LHX8: variants seen among roughly 807,000 people sequenced by gnomAD.
LHX8 encodes the protein LIM/homeobox protein Lhx8.
A neutral mutation model predicts 40.3 loss-of-function variants in LHX8; 12 were observed. The observed-to-expected ratio is 0.30, with a 90% CI of 0.19 to 0.48. LHX8 has a LOEUF of 0.48. Ranked by LOEUF, LHX8 falls within the 20% of genes least tolerant of loss-of-function variation. The probability of loss-of-function intolerance (pLI) is 0.99; values close to 1 mark genes in which losing one functional copy is unlikely to be tolerated. For synonymous variants in LHX8, 179 were observed against 162.0 expected (o/e 1.10, Z -0.80); for missense variants, 344 against 433.7 (o/e 0.79, Z 1.84).
At chr1:75,191,755 AT>A in the LHX8 span, among the ~76,000 whole-genome samples, 1 of 152,244 alleles carries the variant, frequency 6.6e-6, no homozygotes, top group Non-Finnish European at 1.5e-5. Flanking sequence ...ACTAAAGAAT[AT>A]TAAAAAGGAT....
the LHX8 span, among the ~76,000 whole-genome samples, chr1:75,179,785 C>G: frequency 6.6e-6 from 1 of 152,090 alleles, no homozygotes; most frequent in Non-Finnish European, 1.5e-5. Context: ...TTCCTAGCAG[C>G]GATGGTCTTT....
chr1:75,140,093 C>G (rs1648271424), intron 3 of LHX8, among the ~76,000 whole-genome samples: 1 of 152,190 alleles, frequency 6.6e-6, no homozygotes, highest in South Asian at 2.1e-4. Flanking sequence ...TAATACACAT[C>G]TTCATACTCC....
intron 7 of LHX8, among the ~76,000 whole-genome samples, chr1:75,155,258 G>C: frequency 8.8e-6 from 1 of 113,814 alleles, no homozygotes; most frequent in African/African-American, 3.4e-5. Flanking sequence ...TTTTTGAGAC[G>C]GAGTCTCGCT....
chr1:75,158,060 A>G (rs1480391511), intron 8 of LHX8, among the ~76,000 whole-genome samples: 1 of 152,138 alleles, frequency 6.6e-6, no homozygotes, highest in Non-Finnish European at 1.5e-5. Context: ...ATCCTCACCA[A>G]CACTTGGTAT....
chr1:75,174,694 C>T, the LHX8 span, among the ~76,000 whole-genome samples: 2 of 152,172 alleles, frequency 1.3e-5, no homozygotes, highest in Admixed American at 6.5e-5. Context: ...AAACACTCCC[C>T]CAGCCACCCC....
At chr1:75,190,114 A>G in the LHX8 span, among the ~76,000 whole-genome samples, 1 of 152,206 alleles carries the variant, frequency 6.6e-6, no homozygotes, top group African/African-American at 2.4e-5. Flanking sequence ...AGATGAGATA[A>G]TGGCTAACTC....
At chr1:75,131,664 C>G (rs1283473990), upstream of LHX8, 1 of 152,282 alleles carries the variant, frequency 6.6e-6, no homozygotes, top group Non-Finnish European at 1.5e-5. Flanking sequence ...GATGTTCCCT[C>G]TCTCCAGCCC....
chr1:75,169,891 G>C, the LHX8 span, among the ~76,000 whole-genome samples: 1 of 152,212 alleles, frequency 6.6e-6, no homozygotes, highest in African/African-American at 2.4e-5. Context: ...GGGAACTCCT[G>C]GTCTTTGCCA....
exon 1 of LHX8, chr1:75,128,508 T>C (rs1443207097): frequency 1.3e-5 from 2 of 152,176 alleles, no homozygotes; most frequent in Non-Finnish European, 2.9e-5. Flanking sequence ...TTACTGAAAG[T>C]GTCCATTTCT....
chr1:75,196,776 T>C, the LHX8 span, among the ~76,000 whole-genome samples: 1 of 152,216 alleles, frequency 6.6e-6, no homozygotes, highest in East Asian at 1.9e-4. Flanking sequence ...TGCTCTGCTG[T>C]ATGCTGCTCA....
At chr1:75,168,981 A>G in the LHX8 span, among the ~76,000 whole-genome samples, 1 of 152,082 alleles carries the variant, frequency 6.6e-6, no homozygotes, top group Middle Eastern at 3.2e-3. Context: ...CCCCTAAAAT[A>G]TGTTCAAAAA....
the LHX8 span, among the ~76,000 whole-genome samples, chr1:75,187,677 G>A: frequency 1.1e-4 from 17 of 152,234 alleles, no homozygotes; most frequent in Admixed American, 2.0e-4. Context: ...GTGGAGTGGA[G>A]AAGAAATGCT....
At chr1:75,166,531 C>T (rs1649040069), downstream of LHX8, among the ~76,000 whole-genome samples, 1 of 152,204 alleles carries the variant, frequency 6.6e-6, no homozygotes. Context: ...TAGAGAACCA[C>T]TACTAGTTAT....
chr1:75,133,224 C>G (rs1390947800), upstream of LHX8, among the ~76,000 whole-genome samples: 1 of 152,192 alleles, frequency 6.6e-6, no homozygotes, highest in Non-Finnish European at 1.5e-5. Context: ...GCTCTGAAGA[C>G]TCTAGTGTTT....
chr1:75,197,085 A>G, the LHX8 span, among the ~76,000 whole-genome samples: 2 of 152,226 alleles, frequency 1.3e-5, no homozygotes, highest in African/African-American at 4.8e-5. Flanking sequence ...TAATAGCAGG[A>G]AAAATTAAAC....
chr1:75,139,790 A>G (rs1033444298), intron 3 of LHX8, among the ~76,000 whole-genome samples: 1 of 152,210 alleles, frequency 6.6e-6, no homozygotes, highest in Non-Finnish European at 1.5e-5. Context: ...ATTAGAAGTC[A>G]GTAAAACTTT....
chr1:75,136,073 C>T (rs1557485104), intron 1 of LHX8, among the ~76,000 whole-genome samples: 2 of 152,284 alleles, frequency 1.3e-5, no homozygotes, highest in Non-Finnish European at 2.9e-5. Flanking sequence ...CTTCACCTTT[C>T]GGGCTATCCT....
upstream of LHX8, chr1:75,131,088 C>G (rs1021499605): frequency 2.6e-5 from 10 of 380,664 alleles, no homozygotes; most frequent in East Asian, 5.8e-5. Context: ...GAGCAGGGCT[C>G]TGTTTCTGCG....
At chr1:75,166,746 G>A in the LHX8 span, among the ~76,000 whole-genome samples, 1 of 152,194 alleles carries the variant, frequency 6.6e-6, no homozygotes, top group African/African-American at 2.4e-5. Flanking sequence ...AACAAAACTA[G>A]CTTGACAGGC....
Sources: allele counts gnomAD v4.1 joint callset (sites outside exome capture counted in the v4.1 genomes callset), GRCh38; gene constraint gnomAD v4.1.1; transcripts MANE v1.5; gene names NCBI Gene and HGNC (gene_info 2026-07-23, HGNC 2026-07-21).